Variants in PRKN observed in about 807,000 individuals in gnomAD.
PRKN encodes E3 ubiquitin-protein ligase parkin.
A neutral mutation model predicts 59.5 loss-of-function variants in PRKN; 56 were observed. That is an observed-to-expected ratio of 0.94 (90% CI 0.76 to 1.18). The LOEUF (loss-of-function observed/expected upper bound fraction) is 1.18. Among genes scored for constraint, PRKN ranks in the 50% most tolerant of loss-of-function variants. The pLI is 0.00. For synonymous variants in PRKN, 250 were observed against 222.1 expected (o/e 1.13, Z -1.12); for missense variants, 657 against 596.4 (o/e 1.10, Z -1.06).
At chr6:161,441,742 C>T (rs1393071936) in intron 9 of PRKN, among the ~76,000 whole-genome samples, 7 of 151,224 alleles carry the variant, frequency 4.6e-5, no homozygotes, top group Admixed American at 4.6e-4. Flanking sequence ...CCTGCTGATA[C>T]AGGTTCTGCT....
At chr6:161,500,880 T>C (rs959559428) in intron 9 of PRKN, among the ~76,000 whole-genome samples, 17 of 147,486 alleles carry the variant, frequency 1.2e-4, no homozygotes, top group Non-Finnish European at 2.1e-4. Context: ...TTTTTTCTTT[T>C]TTTTTTTTTT....
intron 6 of PRKN, among the ~76,000 whole-genome samples, chr6:161,885,272 A>T (rs181838079): frequency 1.3e-5 from 2 of 152,216 alleles, no homozygotes; most frequent in African/African-American, 4.8e-5. Context: ...ACATCAGCGT[A>T]TGGGAAGTGC....
chr6:162,727,193 T>A (rs1228640806), intron 1 of PRKN: 1 of 157,424 alleles, frequency 6.4e-6, no homozygotes, highest in African/African-American at 2.4e-5. Flanking sequence ...TCCATTAGAG[T>A]TTAATGCTTT....
intron 7 of PRKN, among the ~76,000 whole-genome samples, chr6:161,598,763 A>G (rs1782006991): frequency 6.6e-6 from 1 of 152,222 alleles, no homozygotes; most frequent in African/African-American, 2.4e-5. Flanking sequence ...CTTGTAACAT[A>G]CTTCTTCCAA....
At chr6:162,217,391 G>T (rs1777728318) in intron 3 of PRKN, among the ~76,000 whole-genome samples, 1 of 152,104 alleles carries the variant, frequency 6.6e-6, no homozygotes, top group Non-Finnish European at 1.5e-5. Flanking sequence ...TTATTTGTCT[G>T]TTTGTTTGAG....
chr6:162,530,953 A>ATACC (rs1778486360), intron 1 of PRKN, among the ~76,000 whole-genome samples: 1 of 150,166 alleles, frequency 6.7e-6, no homozygotes, highest in East Asian at 2.0e-4. Flanking sequence ...GTTACTTGGT[A>ATACC]GCCTGAGGCA....
At chr6:162,460,512 T>G (rs1368600383) in intron 1 of PRKN, among the ~76,000 whole-genome samples, 1 of 152,234 alleles carries the variant, frequency 6.6e-6, no homozygotes, top group Non-Finnish European at 1.5e-5. Context: ...GGGTGAATTT[T>G]ATAGTATGTG....
At chr6:162,486,891 G>C (rs371064794) in intron 1 of PRKN, among the ~76,000 whole-genome samples, 20 of 152,022 alleles carry the variant, frequency 1.3e-4, no homozygotes, top group East Asian at 5.8e-4. Context: ...CCAACATGGT[G>C]AAATCCCATC....
chr6:161,804,508 C>T (rs1791225891), intron 6 of PRKN, among the ~76,000 whole-genome samples: 1 of 152,162 alleles, frequency 6.6e-6, no homozygotes, highest in Non-Finnish European at 1.5e-5. Context: ...TCTCCATCCC[C>T]TTCCCTCCCC....
At chr6:161,966,305 A>C (rs540854741) in intron 6 of PRKN, among the ~76,000 whole-genome samples, 2 of 152,200 alleles carry the variant, frequency 1.3e-5, no homozygotes, top group Non-Finnish European at 1.5e-5. Flanking sequence ...TATCTTGATA[A>C]GGATTTTTCT....
At chr6:162,154,612 T>C (rs1782423587) in intron 4 of PRKN, among the ~76,000 whole-genome samples, 2 of 152,180 alleles carry the variant, frequency 1.3e-5, no homozygotes. Flanking sequence ...CATCTGTTAG[T>C]TCTGCTGAAC....
At chr6:162,712,125 T>C (rs754263568) in intron 1 of PRKN, among the ~76,000 whole-genome samples, 10 of 152,204 alleles carry the variant, frequency 6.6e-5, no homozygotes, top group Non-Finnish European at 1.2e-4. Context: ...TGACTACAGG[T>C]GGCCTATTCA....
At chr6:162,499,262 T>C (rs1393601969) in intron 1 of PRKN, among the ~76,000 whole-genome samples, 1 of 152,190 alleles carries the variant, frequency 6.6e-6, no homozygotes, top group African/African-American at 2.4e-5. Flanking sequence ...CTAACTCCTA[T>C]ATGACCTTAA....
intron 4 of PRKN, among the ~76,000 whole-genome samples, chr6:162,153,411 C>G (rs1189959218): frequency 6.6e-6 from 1 of 152,202 alleles, no homozygotes; most frequent in Admixed American, 6.5e-5. Context: ...GACCCAAAGG[C>G]CTCAGAGGGC....
At chr6:161,753,524 G>A (rs1788781464) in intron 7 of PRKN, among the ~76,000 whole-genome samples, 1 of 152,204 alleles carries the variant, frequency 6.6e-6, no homozygotes, top group African/African-American at 2.4e-5. Flanking sequence ...TTCTGCGGAG[G>A]GGGATAAGAG....
chr6:161,938,503 T>C (rs1029620703), intron 6 of PRKN, among the ~76,000 whole-genome samples: 1 of 152,222 alleles, frequency 6.6e-6, no homozygotes, highest in Admixed American at 6.5e-5. Context: ...TATAGTAAAT[T>C]AACAGTCCTA....
In PRKN at chr6:161,481,315, G is replaced by T. The variant is rs544546067; in HGVS notation, c.1083+67539C>A. On this transcript the variant is annotated intron_variant, in intron 9 of 11. Transcript: ENST00000366898. ...AAGGCATCAGGAAAAGTAATAAAAA[G>T]AACCTTTGGCTGGGCGCGTTGGCTC... Among the ~76,000 whole-genome samples the T allele has an allele frequency of 5.3e-5, 8 of 152,156 alleles. 1 individual carries two copies. In the South Asian group the frequency reaches 1.7e-3, roughly 32 times the overall value.
chr6:162,612,639 CCAAAA>C (rs1782244529), intron 1 of PRKN, among the ~76,000 whole-genome samples: 1 of 149,670 alleles, frequency 6.7e-6, no homozygotes. Flanking sequence ...CAAAACCAAA[CCAAAA>C]CGTTGCCTTA....
At chr6:161,899,203 T>C (rs1318906987) in intron 6 of PRKN, among the ~76,000 whole-genome samples, 2 of 152,320 alleles carry the variant, frequency 1.3e-5, no homozygotes, top group East Asian at 3.9e-4. Context: ...AATGAGAAAC[T>C]TCAGGGAGAT....
Sources: allele counts gnomAD v4.1 joint callset (sites outside exome capture counted in the v4.1 genomes callset), GRCh38; gene constraint gnomAD v4.1.1; transcripts MANE v1.5; gene names NCBI Gene and HGNC (gene_info 2026-07-23, HGNC 2026-07-21).